The following TMEM132B variants were observed in gnomAD, a reference collection of about 807,000 sequenced individuals.
TMEM132B encodes the protein transmembrane protein 132B.
TMEM132B carries 18 observed loss-of-function variants against 90.8 expected under a neutral mutation model. The observed-to-expected ratio is 0.20, with a 90% CI of 0.14 to 0.29. TMEM132B has a LOEUF of 0.29. TMEM132B is among the 10% of genes least tolerant of loss of function. TMEM132B has a pLI of 1.00. For synonymous variants in TMEM132B, 504 were observed against 523.3 expected (o/e 0.96, Z 0.50); for missense variants, 1,096 against 1,326.8 (o/e 0.83, Z 2.70).
At chr12:125,376,801 G>A (rs1878505010) in intron 2 of TMEM132B, among the ~76,000 whole-genome samples, 1 of 152,244 alleles carries the variant, frequency 6.6e-6, no homozygotes, top group Non-Finnish European at 1.5e-5. Flanking sequence ...CCGTGGCCAT[G>A]GCACAGACTT....
At chr12:125,293,323 A>C (rs781227545) in intron 1 of TMEM132B, among the ~76,000 whole-genome samples, 80 of 152,294 alleles carry the variant, frequency 5.3e-4, no homozygotes, top group Non-Finnish European at 1.0e-3. Flanking sequence ...ATTTAGATTC[A>C]GGGGGTACTT....
intron 1 of TMEM132B, among the ~76,000 whole-genome samples, chr12:125,248,901 T>G (rs1874259445): frequency 6.6e-6 from 1 of 152,156 alleles, no homozygotes. Flanking sequence ...ATCAGTCTTC[T>G]TCCTGGGGAA....
At chr12:125,480,493 A>G (rs1407958317) in intron 3 of TMEM132B, among the ~76,000 whole-genome samples, 1 of 152,246 alleles carries the variant, frequency 6.6e-6, no homozygotes, top group Non-Finnish European at 1.5e-5. Flanking sequence ...CTACGCAAAT[A>G]AACTAGAAAA....
chr12:125,350,658 C>T (rs1029333817), intron 2 of TMEM132B, among the ~76,000 whole-genome samples: 4 of 152,212 alleles, frequency 2.6e-5, no homozygotes, highest in African/African-American at 9.7e-5. Flanking sequence ...CCAGCTGCGT[C>T]TGCTGGCTGG....
At chr12:125,547,892 C>T (rs140995075) in intron 4 of TMEM132B, among the ~76,000 whole-genome samples, 34 of 152,204 alleles carry the variant, frequency 2.2e-4, no homozygotes, top group East Asian at 1.7e-3. Context: ...TGTGCAGCCC[C>T]GAGTTAGCAC....
intron 4 of TMEM132B, among the ~76,000 whole-genome samples, chr12:125,559,509 G>A (rs772280517): frequency 3.9e-5 from 6 of 152,306 alleles, no homozygotes; most frequent in African/African-American, 1.2e-4. Flanking sequence ...GAGAAGATGC[G>A]AGTTCCTGCC....
chr12:125,465,772 C>T (rs1881546701), intron 3 of TMEM132B, among the ~76,000 whole-genome samples: 1 of 152,234 alleles, frequency 6.6e-6, no homozygotes, highest in South Asian at 2.1e-4. Context: ...TCAATCGAGA[C>T]ACTTGGTCAG....
Position 125,557,966 on chromosome 12 carries a change from A to T in TMEM132B, c.1294-25885A>T, listed in dbSNP as rs1884432030. 4.6e-5 allele frequency among the ~76,000 whole-genome samples: 7 copies of T among 152,310 alleles called. No homozygotes were observed. In the South Asian group the frequency reaches 1.5e-3, roughly 32 times the overall value. ...GTCACTGATAAAAGGCCCTCCTGTGAGTAGCTTATGGGGCAGATGTATTCT... is the reference window on the plus strand; with the variant it reads ...GTCACTGATAAAAGGCCCTCCTGTGTGTAGCTTATGGGGCAGATGTATTCT... On this transcript the variant is annotated intron_variant, in intron 4 of 8. Coordinates refer to ENST00000682704, the MANE Select transcript of TMEM132B (RefSeq NM_001366854.1).
At chr12:125,299,373 A>G (rs1423886032) in intron 1 of TMEM132B, among the ~76,000 whole-genome samples, 6 of 152,000 alleles carry the variant, frequency 3.9e-5, no homozygotes, top group Non-Finnish European at 5.9e-5. Context: ...CCCAAGCCCC[A>G]TTGTGGCTCC....
chr12:125,393,284 G>C (rs1278509816), intron 2 of TMEM132B, among the ~76,000 whole-genome samples: 1 of 152,190 alleles, frequency 6.6e-6, no homozygotes, highest in Non-Finnish European at 1.5e-5. Flanking sequence ...AAGTGGGAAT[G>C]ATACAAAAAC....
chr12:125,278,935 C>G (rs11058119), intron 1 of TMEM132B, among the ~76,000 whole-genome samples: 23,993 of 152,158 alleles, frequency 0.16, 2,415 homozygotes, highest in African/African-American at 0.28. Flanking sequence ...GGATGTAACC[C>G]AGCGAGGGAA....
intron 4 of TMEM132B, among the ~76,000 whole-genome samples, chr12:125,569,151 G>T (rs1395243005): frequency 6.6e-6 from 1 of 152,054 alleles, no homozygotes; most frequent in Non-Finnish European, 1.5e-5. Context: ...TCCGTTGCCT[G>T]CTTGGCTTTT....
chr12:125,639,199 T>A (rs1224574830), intron 5 of TMEM132B, among the ~76,000 whole-genome samples: 1 of 152,204 alleles, frequency 6.6e-6, no homozygotes, highest in Non-Finnish European at 1.5e-5. Flanking sequence ...ACCTCACACA[T>A]AGAGATCTTA....
intron 4 of TMEM132B, among the ~76,000 whole-genome samples, chr12:125,540,587 G>A (rs190657608): frequency 7.4e-4 from 112 of 152,248 alleles, no homozygotes; most frequent in Non-Finnish European, 8.8e-4. Context: ...GTAATATTAT[G>A]TGCTATAGAA....
intron 2 of TMEM132B, among the ~76,000 whole-genome samples, chr12:125,390,838 C>T (rs757169152): frequency 1.3e-5 from 2 of 152,110 alleles, no homozygotes; most frequent in Non-Finnish European, 2.9e-5. Flanking sequence ...CCACCTGAGT[C>T]AGAGCCATCC....
chr12:125,609,777 A>G (rs1297585159), intron 5 of TMEM132B, among the ~76,000 whole-genome samples: 1 of 131,304 alleles, frequency 7.6e-6, no homozygotes, highest in Middle Eastern at 3.9e-3. Context: ...AGATTGCGCC[A>G]CTGCACTCCA....
chr12:125,327,233 C>T (rs1876611458), intron 1 of TMEM132B, among the ~76,000 whole-genome samples: 1 of 152,206 alleles, frequency 6.6e-6, no homozygotes, highest in Admixed American at 6.5e-5. Context: ...GCTCCAGCAT[C>T]AGCATCTAAC....
chr12:125,303,303 C>G (rs1013851101), intron 1 of TMEM132B, among the ~76,000 whole-genome samples: 1 of 152,132 alleles, frequency 6.6e-6, no homozygotes, highest in Non-Finnish European at 1.5e-5. Context: ...CAGGCTCATG[C>G]GTGTTACAGC....
intron 2 of TMEM132B, among the ~76,000 whole-genome samples, chr12:125,360,254 G>A (rs904426853): frequency 2.6e-5 from 4 of 152,008 alleles, no homozygotes; most frequent in Non-Finnish European, 4.4e-5. Flanking sequence ...TCTATAACCC[G>A]ATTTACTCTT....
Sources: gnomAD v4.1 joint callset for allele counts (sites outside exome capture counted in the v4.1 genomes callset) on GRCh38, gnomAD v4.1.1 for gene constraint, MANE v1.5 for transcripts, NCBI Gene and HGNC (gene_info 2026-07-23, HGNC 2026-07-21) for gene names.